Variants in SSH2 observed in about 807,000 individuals in gnomAD.
SSH2 encodes the protein protein phosphatase Slingshot homolog 2.
In SSH2, 37 loss-of-function variants were observed where a neutral mutation model predicts 135.2. The ratio of observed to expected loss-of-function variants is 0.27; its 90% CI spans 0.21 to 0.36. The LOEUF (loss-of-function observed/expected upper bound fraction) is 0.36, where lower values mean the gene tolerates loss of function less well. Ranked by LOEUF, SSH2 falls within the 10% of genes least tolerant of loss-of-function variation. The pLI, the probability that SSH2 is intolerant of heterozygous loss-of-function variation, is 1.00. For synonymous variants in SSH2, 628 were observed against 646.2 expected (o/e 0.97, Z 0.43); for missense variants, 1,408 against 1,765.3 (o/e 0.80, Z 3.63).
At chr17:29,739,035 G>A (rs1213827387) in intron 3 of SSH2, among the ~76,000 whole-genome samples, 2 of 152,096 alleles carry the variant, frequency 1.3e-5, no homozygotes, top group Admixed American at 6.5e-5. Context: ...CTTGATTGCT[G>A]CACCAGCCAA....
At chr17:29,815,863 C>T (rs143873401) in intron 2 of SSH2, among the ~76,000 whole-genome samples, 169 of 151,452 alleles carry the variant, frequency 1.1e-3, no homozygotes, top group African/African-American at 3.6e-3. Flanking sequence ...TTTTCTGGGG[C>T]GGGGGGATAG....
intron 3 of SSH2, among the ~76,000 whole-genome samples, chr17:29,760,663 G>A (rs1487277738): frequency 1.3e-5 from 2 of 151,906 alleles, no homozygotes; most frequent in Non-Finnish European, 2.9e-5. Flanking sequence ...AATCACTCCA[G>A]ACTACAACCA....
intron 6 of SSH2, among the ~76,000 whole-genome samples, chr17:29,681,607 A>G (rs575600267): frequency 1.3e-5 from 2 of 152,040 alleles, no homozygotes; most frequent in East Asian, 3.9e-4. Flanking sequence ...CTATTATTTT[A>G]TAACTTAAAA....
intron 3 of SSH2, among the ~76,000 whole-genome samples, chr17:29,759,406 C>T (rs917288076): frequency 2.0e-5 from 3 of 152,128 alleles, no homozygotes; most frequent in African/African-American, 7.2e-5. Flanking sequence ...ATTACTTTTA[C>T]TGGCCATGAA....
At chr17:29,904,655 A>G (rs2066621100) in intron 1 of SSH2, among the ~76,000 whole-genome samples, 1 of 152,184 alleles carries the variant, frequency 6.6e-6, no homozygotes, top group South Asian at 2.1e-4. Flanking sequence ...GGCCAAGGCA[A>G]TCAGGCAAGA....
chr17:29,681,331 CAAAAAAAAAAA>C (rs764461213), intron 6 of SSH2, among the ~76,000 whole-genome samples: 16 of 14,358 alleles, frequency 1.1e-3, no homozygotes, highest in South Asian at 7.6e-3. Flanking sequence ...GAGACTGTCT[CAAAAAAAAAAA>C]AAAAAAAAAA....
chr17:29,667,309 G>A, intron 9 of SSH2, 86 bp from the exon 10 acceptor site: 1 of 1,034,152 alleles, frequency 9.7e-7, no homozygotes, highest in Non-Finnish European at 1.4e-6. Context: ...GAATGATCCT[G>A]TCTTCTTCAA....
At chr17:29,913,116 G>A (rs886226189) in intron 1 of SSH2, among the ~76,000 whole-genome samples, 2 of 150,268 alleles carry the variant, frequency 1.3e-5, no homozygotes, top group Admixed American at 1.3e-4. Context: ...TCGGGAGTTT[G>A]AGACCAGCCT....
At chr17:29,905,330 A>G (rs146858666) in intron 1 of SSH2, among the ~76,000 whole-genome samples, 1 of 152,358 alleles carries the variant, frequency 6.6e-6, no homozygotes, top group Non-Finnish European at 1.5e-5. Context: ...GAACTCAGAT[A>G]TAAGACCACA....
intron 1 of SSH2, among the ~76,000 whole-genome samples, chr17:29,916,935 G>A (rs534828299): frequency 8.6e-5 from 13 of 151,396 alleles, no homozygotes; most frequent in African/African-American, 2.9e-4. Flanking sequence ...GAGAATCACT[G>A]CTCCAATCAG....
In SSH2 at chr17:29,631,913, T is replaced by C. The variant is rs140564325; in HGVS notation, c.3281A>G (p.Asn1094Ser). 2.9e-5 allele frequency: 47 copies of C among 1,614,170 alleles called. No individual in the cohort carries two copies. In the African/African-American group the frequency reaches 5.1e-4, roughly 17 times the overall value. The change falls in exon 16 of 16, where the codon AAC becomes AGC. Residue 1094 changes from asparagine (N) to serine (S), a missense_variant. Asn to Ser is a conservative substitution (Grantham distance 46, BLOSUM62 1). Around this residue, in one of 3 missense-constraint regions of SSH2, gnomAD observed 1,080 missense variants for 1,144.5 expected, o/e 0.94. Transcript: ENST00000540801. ...CACTTGGGGGTGCAGAGAAACCTGGTTGGGGTCCAGAGTCCTGTTTAGATT... is the reference window on the plus strand; with the variant it reads ...CACTTGGGGGTGCAGAGAAACCTGGCTGGGGTCCAGAGTCCTGTTTAGATT... The part of the protein sequence containing the change: ...DENLNRTLDP[N>S]QVSLHPQVLP...
At chr17:29,839,298 C>A (rs759169297) in intron 2 of SSH2, among the ~76,000 whole-genome samples, 1 of 152,210 alleles carries the variant, frequency 6.6e-6, no homozygotes, top group Non-Finnish European at 1.5e-5. Flanking sequence ...GGGATCCAGG[C>A]CGGTAATGTG....
Position 29,913,317 on chromosome 17 carries a change from C to CAAAAAA in SSH2, c.63+16615_63+16620dup. On this transcript the variant is annotated intron_variant, in intron 1 of 15. Coordinates refer to ENST00000540801, the MANE Select transcript of SSH2 (RefSeq NM_001282129.2). ...TGGGCGACAGAGCGAGACGCCATCT[C>CAAAAAA]AAAAAAAAAAAAAAAAAAAAAAAAA... 3.2e-3 allele frequency among the ~76,000 whole-genome samples: 11 copies of CAAAAAA among 3,426 alleles called. 3 individuals carry two copies. The highest frequency in any genetic ancestry group is 4.4e-3 in the African/African-American group (6 of 1,352). 2.2% of individuals were successfully genotyped at this position (3,426 alleles called of 152,430 possible). A position where few individuals can be genotyped will look rare whatever the true frequency, so the allele number is the denominator to read the frequency against.
chr17:29,766,995 G>A (rs2041461361), intron 3 of SSH2, among the ~76,000 whole-genome samples: 1 of 152,112 alleles, frequency 6.6e-6, no homozygotes, highest in Admixed American at 6.5e-5. Flanking sequence ...ATCATGTTTT[G>A]CAATCACCAT....
chr17:29,925,571 A>C, intron 1 of SSH2: 1 of 398,346 alleles, frequency 2.5e-6, no homozygotes, highest in Non-Finnish European at 4.4e-6. Context: ...AAGAAAAAAA[A>C]TTAAAATTAG....
intron 15 of SSH2, among the ~76,000 whole-genome samples, chr17:29,634,905 A>G (rs1336077834): frequency 3.3e-5 from 5 of 151,062 alleles, no homozygotes; most frequent in African/African-American, 4.9e-5. Flanking sequence ...CAGGTACATT[A>G]TTATTATGAT....
intron 3 of SSH2, among the ~76,000 whole-genome samples, chr17:29,744,902 T>TGTGTGTG (rs60678633): frequency 4.0e-5 from 6 of 148,740 alleles, no homozygotes; most frequent in Non-Finnish European, 6.0e-5. Flanking sequence ...TGTGTGTGTG[T>TGTGTGTG]TTAAATAAAC....
At chr17:29,849,478 CAAA>C (rs36026122) in intron 1 of SSH2, among the ~76,000 whole-genome samples, 3 of 48,326 alleles carry the variant, frequency 6.2e-5, no homozygotes, top group Non-Finnish European at 4.5e-5. Flanking sequence ...GACTCCGTCT[CAAA>C]AAAAAAAAAA....
intron 1 of SSH2, among the ~76,000 whole-genome samples, chr17:29,880,122 T>A (rs771757966): frequency 6.6e-6 from 1 of 152,160 alleles, no homozygotes; most frequent in African/African-American, 2.4e-5. Context: ...TCAAACATCA[T>A]TGAGTGCCTA....
Sources: gnomAD v4.1 joint callset for allele counts (sites outside exome capture counted in the v4.1 genomes callset) on GRCh38, gnomAD v4.1.1 for gene constraint, gnomAD v4.1.1 regional missense constraint, MANE v1.5 for transcripts, NCBI Gene and HGNC (gene_info 2026-07-23, HGNC 2026-07-21) for gene names.